Variants in ZNF276 observed in about 807,000 individuals in gnomAD.
The protein encoded by ZNF276 is centromere protein Z.
In ZNF276, 59 loss-of-function variants were observed where a neutral mutation model predicts 63.9. The observed-to-expected ratio is 0.92, with a 90% CI of 0.75 to 1.15. The LOEUF is 1.15. Among genes scored for constraint, ZNF276 ranks in the 50% most tolerant of loss-of-function variants. The pLI is 0.00. For synonymous variants in ZNF276, 496 were observed against 348.4 expected, an observed-to-expected ratio of 1.42 and a Z score of -4.72; for missense variants, 1,084 against 843.8, an observed-to-expected ratio of 1.28 and a Z score of -3.53.
At chr16:89,731,105 C>T (rs4785591) in intron 6 of ZNF276, among the ~76,000 whole-genome samples, 58,392 of 151,792 alleles carry the variant, frequency 0.38, 12,500 homozygotes, top group East Asian at 0.75. Flanking sequence ...ATTGTGGGAA[C>T]GGCATGGCCA....
Position 89,739,561 on chromosome 16 carries a change from A to C in ZNF276, c.*1315A>C, listed in dbSNP as rs929980027. On this transcript the variant is annotated 3_prime_UTR_variant, in exon 11 of 11. Coordinates refer to ENST00000443381, the MANE Select transcript of ZNF276 (RefSeq NM_001113525.2). The stretch of plus-strand genomic sequence containing the variant: ...GCCGCCCCAGCCTGAGGTCTGCAAC[A>C]CCAAGAAGTGGCTCAGGCAACTCTG... The C allele has an allele frequency of 1.9e-6, 3 of 1,551,074 alleles. No homozygotes were observed. Among genetic ancestry groups the C allele is most frequent in the Non-Finnish European group, 2.6e-6 (3 of 1,146,914 alleles).
chr16:89,738,783 A>T lies in ZNF276; in HGVS notation c.*537A>T, dbSNP rs763083176. The T allele has an allele frequency of 6.2e-7, 1 of 1,612,782 alleles. No individual in the cohort carries two copies. The highest frequency in any genetic ancestry group is 8.5e-7 in the Non-Finnish European group (1 of 1,179,564). ...ACCACAGGGGAGGGGCTCTGGCAGA[A>T]ATAGTCGAGTTGTATTGCCAGCCAG... On this transcript the variant is annotated 3_prime_UTR_variant, in exon 11 of 11. Transcript: ENST00000443381.
chr16:89,736,881 G>A (rs1467785743), intron 9 of ZNF276, among the ~76,000 whole-genome samples: 3 of 151,210 alleles, frequency 2.0e-5, no homozygotes, highest in Non-Finnish European at 2.9e-5. Context: ...CTCCAGCCTG[G>A]GCAACAGAGC....
intron 5 of ZNF276, among the ~76,000 whole-genome samples, chr16:89,728,456 T>G (rs967225216): frequency 3.3e-5 from 5 of 151,998 alleles, no homozygotes; most frequent in Non-Finnish European, 7.4e-5. Context: ...CAGGCTGGAG[T>G]GCAGTGGCAC....
chr16:89,721,917 G>C, intron 1 of ZNF276, 72 bp downstream of exon 1: 9 of 1,056,576 alleles, frequency 8.5e-6, no homozygotes, highest in Non-Finnish European at 1.1e-5. Context: ...CCGCACTGAC[G>C]CCCGGAAGCC....
chr16:89,731,094 C>T (rs1361738908), intron 6 of ZNF276, among the ~76,000 whole-genome samples: 1 of 152,192 alleles, frequency 6.6e-6, no homozygotes, highest in African/African-American at 2.4e-5. Flanking sequence ...GGTGAGTGGT[C>T]ATTGTGGGAA....
intron 6 of ZNF276, chr16:89,731,526 T>G (rs535595526): frequency 1.3e-4 from 20 of 152,402 alleles, no homozygotes; most frequent in African/African-American, 4.6e-4. Context: ...GTGCTGGGAT[T>G]ACAGGCGTGA....
At chr16:89,725,751 A>G (rs932169141) in intron 4 of ZNF276, among the ~76,000 whole-genome samples, 1 of 152,122 alleles carries the variant, frequency 6.6e-6, no homozygotes, top group Non-Finnish European at 1.5e-5. Flanking sequence ...AGATTCTACC[A>G]CTACGCTCTG....
intron 1 of ZNF276, 83 bp from the exon 2 acceptor site, chr16:89,722,448 T>A: frequency 6.9e-7 from 1 of 1,457,816 alleles, no homozygotes; most frequent in Non-Finnish European, 9.2e-7. Flanking sequence ...CTGCAGGCGC[T>A]GCCCTCGGAC....
Position 89,738,656 on chromosome 16 carries a change from C to T in ZNF276, c.*410C>T, listed in dbSNP as rs2151709791. The T allele has an allele frequency of 5.6e-6, 9 of 1,613,566 alleles. No individual in the cohort carries two copies. Among genetic ancestry groups the T allele is most frequent in the Non-Finnish European group, 6.8e-6 (8 of 1,180,028 alleles). ...AGCGTCAGGGGCAGCCTGCTGTCTG[C>T]TCTGGAGGGCGGCGCTCACCTCTGG... On this transcript the variant is annotated 3_prime_UTR_variant, in exon 11 of 11. Transcript: ENST00000443381.
At chr16:89,729,483 G>A (rs1567573717) in intron 6 of ZNF276, among the ~76,000 whole-genome samples, 165 bp downstream of exon 6, 2 of 151,772 alleles carry the variant, frequency 1.3e-5, no homozygotes, top group Non-Finnish European at 1.5e-5. Context: ...AGGCGGGGGA[G>A]GGGCAGGCGG....
chr16:89,736,271 C>T (rs1167977729), intron 9 of ZNF276, among the ~76,000 whole-genome samples: 1 of 152,002 alleles, frequency 6.6e-6, no homozygotes, highest in East Asian at 1.9e-4. Context: ...AGGTGATTTG[C>T]CTGCCTTGGC....
chr16:89,722,461 GGA>G (rs2061326776), intron 1 of ZNF276, 68 bp from the exon 2 acceptor site: 1 of 1,503,410 alleles, frequency 6.7e-7, no homozygotes, highest in Non-Finnish European at 8.9e-7. Context: ...CCTCGGACCT[GGA>G]GTCCGGGACG....
In ZNF276 at chr16:89,739,831, C is replaced by T; in HGVS notation, c.*1585C>T. On this transcript the variant is annotated 3_prime_UTR_variant, in exon 11 of 11. Transcript: ENST00000443381. ...GTTGACCAGTGAGCCAGTAAATTAT[C>T]TTATTGCTTTAAACAAGTTTGTGCT... 1 of 1,483,228 alleles carries T rather than the reference C, an allele frequency of 6.7e-7. No individual in the cohort carries two copies. Among genetic ancestry groups the T allele is most frequent in the Non-Finnish European group, 8.9e-7 (1 of 1,119,964 alleles). 91.9% of individuals were successfully genotyped at this position (1,483,228 alleles called of 1,614,324 possible).
Position 89,739,728 on chromosome 16 carries a change from G to A in ZNF276, c.*1482G>A, listed in dbSNP as rs957457883. The A allele has an allele frequency of 3.3e-6, 5 of 1,494,102 alleles. No homozygotes were observed. The South Asian group carries it at 3.9e-5, about 12-fold the overall frequency. 92.6% of individuals were successfully genotyped at this position (1,494,102 alleles called of 1,614,324 possible). A position where few individuals can be genotyped will look rare whatever the true frequency, so the allele number is the denominator to read the frequency against. ...TACCTGTCAGCAGCTGGGAGAGGAT[G>A]GGGGGGTCGACCTCTTGCAGGAGGG... On this transcript the variant is annotated 3_prime_UTR_variant, in exon 11 of 11. Coordinates refer to ENST00000443381, the MANE Select transcript of ZNF276 (RefSeq NM_001113525.2).
intron 9 of ZNF276, among the ~76,000 whole-genome samples, chr16:89,736,955 G>T (rs570281269): frequency 2.6e-5 from 4 of 152,102 alleles, no homozygotes; most frequent in African/African-American, 4.8e-5. Flanking sequence ...GTTTCCCTTC[G>T]AAGAGAAAAG....
intron 5 of ZNF276, among the ~76,000 whole-genome samples, chr16:89,728,202 C>CT (rs71389418): frequency 0.2 from 24,837 of 124,706 alleles, 3,200 homozygotes; most frequent in African/African-American, 0.38. Context: ...GGCCACAAAT[C>CT]TTTTTTTTTT....
chr16:89,737,682 C>A, intron 9 of ZNF276, 124 bp from the exon 10 acceptor site: 1 of 1,542,202 alleles, frequency 6.5e-7, no homozygotes, highest in South Asian at 1.2e-5. Flanking sequence ...TTGCTTGGGC[C>A]CACTGCATGG....
At chr16:89,726,050 C>G (rs1006328920) in intron 4 of ZNF276, among the ~76,000 whole-genome samples, 10 of 152,236 alleles carry the variant, frequency 6.6e-5, no homozygotes, top group Admixed American at 4.6e-4. Flanking sequence ...GAGTCTCACT[C>G]TGTCGCCCAG....
Sources: gnomAD v4.1 joint callset for allele counts (sites outside exome capture counted in the v4.1 genomes callset) on GRCh38, gnomAD v4.1.1 for gene constraint, MANE v1.5 for transcripts, NCBI Gene and HGNC (gene_info 2026-07-23, HGNC 2026-07-21) for gene names.